The following PRKG1 variants were observed in gnomAD, a reference collection of about 807,000 sequenced individuals.
PRKG1 encodes the protein cGMP-dependent protein kinase 1.
A neutral mutation model predicts 88.1 loss-of-function variants in PRKG1; 35 were observed. The ratio of observed to expected loss-of-function variants is 0.40; its 90% confidence interval spans 0.30 to 0.53. The LOEUF (loss-of-function observed/expected upper bound fraction) is 0.53. Among genes scored for constraint, PRKG1 ranks in the 20% least tolerant of loss-of-function variants. The pLI, the probability that PRKG1 is intolerant of heterozygous loss-of-function variation, is 0.59. For synonymous variants in PRKG1, 303 were observed against 292.5 expected (o/e 1.04, Z -0.37); for missense variants, 540 against 839.8 (o/e 0.64, Z 4.41).
chr10:51,178,847 G>A (rs927401855), intron 2 of PRKG1, among the ~76,000 whole-genome samples: 1 of 151,870 alleles, frequency 6.6e-6, no homozygotes, highest in African/African-American at 2.4e-5. Flanking sequence ...TGTAACTATA[G>A]AGAAAAAAAG....
chr10:51,618,522 T>C (rs1254460638), intron 3 of PRKG1, among the ~76,000 whole-genome samples: 1 of 152,156 alleles, frequency 6.6e-6, no homozygotes, highest in Non-Finnish European at 1.5e-5. Flanking sequence ...TACTAGCCCC[T>C]ATTCTAAGTA....
chr10:51,262,874 G>T (rs576239201), intron 2 of PRKG1, among the ~76,000 whole-genome samples: 3 of 152,042 alleles, frequency 2.0e-5, no homozygotes, highest in Non-Finnish European at 2.9e-5. Context: ...TGATCCAATC[G>T]CCTCCCATCA....
chr10:52,180,978 GC>G (rs145587656), intron 9 of PRKG1, among the ~76,000 whole-genome samples: 12 of 152,248 alleles, frequency 7.9e-5, no homozygotes, highest in East Asian at 1.9e-4. Context: ...GTTTTCCCAG[GC>G]TTTTTCTCAG....
At chr10:51,719,842 G>A (rs1841970561) in intron 3 of PRKG1, among the ~76,000 whole-genome samples, 1 of 152,104 alleles carries the variant, frequency 6.6e-6, no homozygotes. Flanking sequence ...ATAAAAGAGA[G>A]GATTCTAGCT....
intron 2 of PRKG1, among the ~76,000 whole-genome samples, chr10:51,414,381 G>A (rs552893740): frequency 1.3e-5 from 2 of 152,148 alleles, no homozygotes; most frequent in Non-Finnish European, 2.9e-5. Flanking sequence ...GGTGGTCTTC[G>A]TTTTTTCACT....
chr10:51,622,276 T>C (rs1403898963), intron 3 of PRKG1, among the ~76,000 whole-genome samples: 1 of 152,220 alleles, frequency 6.6e-6, no homozygotes, highest in Non-Finnish European at 1.5e-5. Context: ...AGGATGAAAC[T>C]GGAGGCCTGG....
At chr10:51,234,910 A>G (rs1031893639) in intron 2 of PRKG1, among the ~76,000 whole-genome samples, 1 of 152,208 alleles carries the variant, frequency 6.6e-6, no homozygotes, top group Admixed American at 6.5e-5. Flanking sequence ...CTAACAATTT[A>G]TAGGCTGTGA....
intron 4 of PRKG1, among the ~76,000 whole-genome samples, chr10:51,840,628 C>A (rs924415221): frequency 4.0e-5 from 6 of 151,850 alleles, no homozygotes; most frequent in Admixed American, 6.6e-5. Context: ...CTCACTGGAA[C>A]CTCTGCCTCC....
At chr10:51,746,122 T>C (rs1021063056) in intron 3 of PRKG1, among the ~76,000 whole-genome samples, 4 of 152,184 alleles carry the variant, frequency 2.6e-5, no homozygotes, top group African/African-American at 9.7e-5. Flanking sequence ...GTGCTGGCAT[T>C]ACAGGCATGA....
At chr10:51,553,782 A>G (rs12761127) in intron 3 of PRKG1, among the ~76,000 whole-genome samples, 705 of 12,112 alleles carry the variant, frequency 0.058, 12 homozygotes, top group South Asian at 0.13. Context: ...ATATATGTAT[A>G]TATTAGATAC....
At chr10:51,134,779 T>C (rs1002207273) in intron 1 of PRKG1, among the ~76,000 whole-genome samples, 5 of 152,144 alleles carry the variant, frequency 3.3e-5, no homozygotes, top group Admixed American at 2.6e-4. Context: ...TGGAATGGCA[T>C]ACCACTTTCC....
At chr10:51,048,663 T>TAA (rs1012290137) in intron 1 of PRKG1, among the ~76,000 whole-genome samples, 1 of 152,172 alleles carries the variant, frequency 6.6e-6, no homozygotes, top group African/African-American at 2.4e-5. Context: ...TTCAAGAGAC[T>TAA]AAAAGCATTA....
chr10:51,704,652 G>A (rs1036777948), intron 3 of PRKG1, among the ~76,000 whole-genome samples: 2 of 152,190 alleles, frequency 1.3e-5, no homozygotes, highest in African/African-American at 4.8e-5. Flanking sequence ...GGTAGAAGAT[G>A]AAGAAAATAA....
intron 1 of PRKG1, among the ~76,000 whole-genome samples, chr10:51,084,521 A>G (rs531480368): frequency 1.3e-5 from 2 of 152,330 alleles, no homozygotes; most frequent in African/African-American, 4.8e-5. Flanking sequence ...TGTAAATTAA[A>G]CTTCAGATTT....
chr10:52,241,025 C>CT (rs1156530314), intron 9 of PRKG1, among the ~76,000 whole-genome samples: 3 of 152,126 alleles, frequency 2.0e-5, no homozygotes, highest in Admixed American at 2.0e-4. Context: ...TTTATCGAGT[C>CT]TGTTTTTCAC....
chr10:51,407,015 G>A (rs1837938937), intron 2 of PRKG1, among the ~76,000 whole-genome samples: 1 of 152,142 alleles, frequency 6.6e-6, no homozygotes, highest in African/African-American at 2.4e-5. Flanking sequence ...AGGCTGGGAG[G>A]CTAGGCCAGT....
At chr10:51,445,487 C>T (rs1839244703) in intron 2 of PRKG1, among the ~76,000 whole-genome samples, 1 of 151,728 alleles carries the variant, frequency 6.6e-6, no homozygotes, top group South Asian at 2.1e-4. Context: ...CTTTAGTTTA[C>T]AAAACTTGGT....
intron 1 of PRKG1, among the ~76,000 whole-genome samples, chr10:51,139,749 A>G (rs1289633259): frequency 1.3e-5 from 2 of 152,282 alleles, no homozygotes; most frequent in East Asian, 3.9e-4. Context: ...CTTATGTTTT[A>G]CTTGAAAATA....
intron 9 of PRKG1, among the ~76,000 whole-genome samples, chr10:52,211,844 C>T (rs1408549475): frequency 2.6e-5 from 4 of 151,908 alleles, no homozygotes; most frequent in African/African-American, 9.7e-5. Flanking sequence ...TTCTACCCCT[C>T]CAGATTCAGT....
Sources: gnomAD v4.1 joint callset for allele counts (sites outside exome capture counted in the v4.1 genomes callset) on GRCh38, gnomAD v4.1.1 for gene constraint, MANE v1.5 for transcripts, NCBI Gene and HGNC (gene_info 2026-07-23, HGNC 2026-07-21) for gene names.